Variants in BLTP1 observed in about 807,000 individuals in gnomAD.
The protein encoded by BLTP1 is bridge-like lipid transfer protein family member 1, also known as fragile site-associated protein.
the BLTP1 span, among the ~76,000 whole-genome samples, chr4:122,259,422 T>C: frequency 2.0e-5 from 3 of 152,246 alleles, 1 homozygote; most frequent in South Asian, 6.2e-4. Flanking sequence ...GAGAAATAAT[T>C]GAGTTAATTC....
the BLTP1 span, chr4:122,315,312 C>T: frequency 9.7e-7 from 1 of 1,034,716 alleles, no homozygotes; most frequent in Non-Finnish European, 1.4e-6. Context: ...ACACTGTACA[C>T]ATAGAGAAAT....
chr4:122,303,670 A>G, the BLTP1 span, among the ~76,000 whole-genome samples: 1 of 152,220 alleles, frequency 6.6e-6, no homozygotes. Flanking sequence ...GAGGGACTCA[A>G]GACACTTCAG....
At chr4:122,344,541 C>T in the BLTP1 span, 1 of 1,607,336 alleles carries the variant, frequency 6.2e-7, no homozygotes, top group Non-Finnish European at 8.5e-7. Flanking sequence ...AAAATGGATA[C>T]TACGTTAATA....
the BLTP1 span, among the ~76,000 whole-genome samples, chr4:122,285,896 C>T: frequency 1.3e-5 from 2 of 152,088 alleles, no homozygotes; most frequent in Admixed American, 1.3e-4. Flanking sequence ...AATAGTAAAG[C>T]TGGTATATTT....
At chr4:122,214,276 A>G in the BLTP1 span, 20 of 935,086 alleles carry the variant, frequency 2.1e-5, no homozygotes, top group South Asian at 7.9e-4. Context: ...ATACCAAAAT[A>G]CCATTATGTA....
the BLTP1 span, among the ~76,000 whole-genome samples, chr4:122,248,683 T>C: frequency 6.6e-6 from 1 of 152,002 alleles, no homozygotes; most frequent in East Asian, 1.9e-4. Flanking sequence ...TAATTATAAA[T>C]GCAAAGAATG....
chr4:122,239,215 G>GA, the BLTP1 span, among the ~76,000 whole-genome samples: 2 of 151,544 alleles, frequency 1.3e-5, no homozygotes, highest in African/African-American at 2.4e-5. Flanking sequence ...GGATGTGAAA[G>GA]AAAAAAAACC....
At chr4:122,198,411 G>T in the BLTP1 span, 1 of 985,348 alleles carries the variant, frequency 1.0e-6, no homozygotes, top group Non-Finnish European at 1.2e-6. Flanking sequence ...GTATGATGGG[G>T]TATAAAGGCA....
At chr4:122,221,304 C>T in the BLTP1 span, among the ~76,000 whole-genome samples, 1 of 152,052 alleles carries the variant, frequency 6.6e-6, no homozygotes, top group Non-Finnish European at 1.5e-5. Flanking sequence ...ATTTTTCATA[C>T]ATATATTTGA....
At chr4:122,328,815 A>G in the BLTP1 span, 1 of 953,312 alleles carries the variant, frequency 1.0e-6, no homozygotes, top group Middle Eastern at 5.4e-4. Flanking sequence ...TTAATGAAAT[A>G]AATGACATAT....
the BLTP1 span, chr4:122,257,480 T>C: frequency 6.2e-7 from 1 of 1,614,118 alleles, no homozygotes; most frequent in Non-Finnish European, 8.5e-7. Flanking sequence ...TGGAGCAGAA[T>C]TTGAGTTCGA....
the BLTP1 span, chr4:122,188,969 T>C: frequency 1.5e-5 from 15 of 985,194 alleles, no homozygotes; most frequent in Non-Finnish European, 1.8e-5. Flanking sequence ...TCGCGGTGAC[T>C]GTGGGTCTTC....
the BLTP1 span, chr4:122,238,308 A>G: frequency 1.2e-6 from 2 of 1,614,130 alleles, no homozygotes; most frequent in Non-Finnish European, 1.7e-6. Context: ...TTGGTTCAAA[A>G]AGAGTTCTTG....
chr4:122,357,568 CAA>C, the BLTP1 span, among the ~76,000 whole-genome samples: 49 of 80,226 alleles, frequency 6.1e-4, no homozygotes, highest in Admixed American at 1.0e-3. Flanking sequence ...GATCCTGTCT[CAA>C]AAAAAAAAAA....
the BLTP1 span, among the ~76,000 whole-genome samples, chr4:122,222,105 C>T: frequency 1.3e-5 from 2 of 152,110 alleles, no homozygotes; most frequent in Non-Finnish European, 2.9e-5. Context: ...TTCATTTCCC[C>T]GATTGTTGAC....
chr4:122,230,234 G>A, the BLTP1 span: 2 of 1,600,732 alleles, frequency 1.2e-6, no homozygotes, highest in African/African-American at 1.3e-5. Context: ...GTTAAGAATG[G>A]CAGTAGTCTC....
At chr4:122,241,289 A>T in the BLTP1 span, among the ~76,000 whole-genome samples, 23 of 152,328 alleles carry the variant, frequency 1.5e-4, no homozygotes, top group Non-Finnish European at 2.1e-4. Flanking sequence ...TGCCCGAGAA[A>T]TAGTGAGTGG....
the BLTP1 span, chr4:122,251,167 T>C: frequency 1.8e-5 from 17 of 933,626 alleles, no homozygotes; most frequent in Non-Finnish European, 2.2e-5. Flanking sequence ...TTACCTGTAA[T>C]AGGAGTATGG....
At chr4:122,348,979 G>A in the BLTP1 span, 5 of 582,834 alleles carry the variant, frequency 8.6e-6, no homozygotes, top group Admixed American at 3.6e-5. Flanking sequence ...TAGGAGTAAA[G>A]CTTCATTATC....
Sources: allele counts gnomAD v4.1 joint callset (sites outside exome capture counted in the v4.1 genomes callset), GRCh38; gene constraint gnomAD v4.1.1; transcripts MANE v1.5; gene names NCBI Gene and HGNC (gene_info 2026-07-23, HGNC 2026-07-21).